Variants in TCF12 observed in about 807,000 individuals in gnomAD.
The protein encoded by TCF12 is DNA-binding protein HTF4.
TCF12 carries 45 observed loss-of-function variants against 86.0 expected under a neutral mutation model. The observed-to-expected ratio is 0.52, with a 90% CI of 0.41 to 0.67. The LOEUF is 0.67. TCF12 is among the 30% of genes least tolerant of loss of function. TCF12 has a pLI of 0.00. For synonymous variants in TCF12, 330 were observed against 299.6 expected, an observed-to-expected ratio of 1.10 and a Z score of -1.05; for missense variants, 881 against 859.9, an observed-to-expected ratio of 1.02 and a Z score of -0.31.
chr15:56,930,116 G>C (rs1252836467), intron 3 of TCF12, among the ~76,000 whole-genome samples: 1 of 152,222 alleles, frequency 6.6e-6, no homozygotes, highest in Non-Finnish European at 1.5e-5. Context: ...GGCTACTCCA[G>C]TCAGTGAGTG....
At chr15:57,250,643 C>T (rs199509112) in intron 13 of TCF12, among the ~76,000 whole-genome samples, 50 of 152,054 alleles carry the variant, frequency 3.3e-4, no homozygotes, top group African/African-American at 9.2e-4. Flanking sequence ...GCAGGAGAAT[C>T]GCTTGAACCT....
At position 56,999,735 on chromosome 15, in the gene TCF12, G is replaced by A. The variant is rs184722147; in HGVS notation, c.149-64015G>A. Among the ~76,000 whole-genome samples the A allele has an allele frequency of 6.4e-3, 970 of 152,080 alleles. 7 individuals are homozygous for A. The highest frequency in any genetic ancestry group is 0.011 in the Non-Finnish European group (756 of 67,966). On this transcript the variant is annotated intron_variant, in intron 3 of 20. Coordinates refer to ENST00000333725, the MANE Select transcript of TCF12 (RefSeq NM_207037.2). Reference sequence around the variant, plus strand: ...CTAAAAATACAAAAATTAGCTGGGCGTGGTGGTGCATGCCTGTAGTCCCAG... The same window carrying A: ...CTAAAAATACAAAAATTAGCTGGGCATGGTGGTGCATGCCTGTAGTCCCAG...
chr15:56,980,680 A>G (rs558736118), intron 3 of TCF12, among the ~76,000 whole-genome samples: 3 of 152,228 alleles, frequency 2.0e-5, no homozygotes, highest in South Asian at 4.2e-4. Context: ...TACTCCCACT[A>G]CTGTGACAGC....
intron 3 of TCF12, among the ~76,000 whole-genome samples, chr15:57,005,500 C>T (rs1163426013): frequency 6.6e-6 from 1 of 152,122 alleles, no homozygotes; most frequent in Non-Finnish European, 1.5e-5. Context: ...ACAGAATGAA[C>T]CTGTATCCTC....
intron 3 of TCF12, among the ~76,000 whole-genome samples, chr15:57,037,635 G>T (rs1321940358): frequency 6.6e-6 from 1 of 152,164 alleles, no homozygotes; most frequent in Admixed American, 6.5e-5. Flanking sequence ...TTTCTTATGA[G>T]CATATGTTCC....
intron 5 of TCF12, among the ~76,000 whole-genome samples, chr15:57,104,851 C>CT (rs1428592901): frequency 8.0e-6 from 1 of 124,468 alleles, no homozygotes; most frequent in Non-Finnish European, 1.7e-5. Context: ...TCTTGCTGGT[C>CT]TTTGGTGGTG....
rs1428292691 is a variant in TCF12 at position 57,075,807 on chromosome 15, TC to T, written c.222+11985del. Among the ~76,000 whole-genome samples the T allele has an allele frequency of 1.0e-3, 59 of 56,678 alleles. 2 individuals carry two copies. The highest frequency in any genetic ancestry group is 4.9e-3 in the African/African-American group (58 of 11,888). 37.2% of individuals were successfully genotyped at this position (56,678 alleles called of 152,430 possible). ...CTTTCTTTCTTTCTTTCTTTCTTTC[TC>T]TCTCTCTCTCTCTCTCTCTCTCTCT... is the stretch of plus-strand genomic sequence containing the variant. On this transcript the variant is annotated intron_variant, in intron 4 of 20. Coordinates refer to ENST00000333725, the MANE Select transcript of TCF12 (RefSeq NM_207037.2).
At chr15:57,185,628 T>C (rs979294997) in intron 6 of TCF12, among the ~76,000 whole-genome samples, 1 of 152,198 alleles carries the variant, frequency 6.6e-6, no homozygotes, top group African/African-American at 2.4e-5. Flanking sequence ...GACTCACACC[T>C]TAATTCCAGC....
intron 3 of TCF12, among the ~76,000 whole-genome samples, chr15:56,945,834 C>A (rs1473398478): frequency 1.3e-5 from 2 of 152,106 alleles, no homozygotes; most frequent in East Asian, 3.8e-4. Flanking sequence ...TGATTAAAGT[C>A]ATAATCTCAG....
At chr15:57,126,485 GGA>G (rs2051660229) in intron 5 of TCF12, among the ~76,000 whole-genome samples, 1 of 152,046 alleles carries the variant, frequency 6.6e-6, no homozygotes, top group African/African-American at 2.4e-5. Context: ...CAGTCCTATT[GGA>G]GAATCATTTC....
chr15:57,199,163 G>A (rs757751006), intron 8 of TCF12, among the ~76,000 whole-genome samples: 6 of 152,062 alleles, frequency 3.9e-5, no homozygotes, highest in African/African-American at 1.4e-4. Context: ...TAAACAAAAT[G>A]AACACAATGC....
chr15:57,062,324 C>G (rs1245903906), intron 3 of TCF12, among the ~76,000 whole-genome samples: 4 of 152,080 alleles, frequency 2.6e-5, no homozygotes, highest in African/African-American at 7.2e-5. Flanking sequence ...AACTTTAATA[C>G]TAGCTCCACA....
chr15:56,966,103 C>T (rs2061989344), intron 3 of TCF12, among the ~76,000 whole-genome samples: 1 of 152,088 alleles, frequency 6.6e-6, no homozygotes, highest in Non-Finnish European at 1.5e-5. Flanking sequence ...TGATTATATG[C>T]TAATCTTTTT....
intron 6 of TCF12, among the ~76,000 whole-genome samples, chr15:57,183,806 C>G (rs981719062): frequency 6.6e-6 from 1 of 152,076 alleles, no homozygotes; most frequent in Non-Finnish European, 1.5e-5. Flanking sequence ...GGGAAACAGA[C>G]TCATTAATGT....
rs976756432 is a variant in TCF12 at position 57,117,388 on chromosome 15, C to T, written c.325+25497C>T. ...GGTAGGAAAAAAAGGATCTTAACAT[C>T]TTCTTTACTAGTAAAAATTAGGTCT... On this transcript the variant is annotated intron_variant, in intron 5 of 20. Transcript: ENST00000333725. Among the ~76,000 whole-genome samples the T allele has an allele frequency of 4.6e-5, 7 of 152,264 alleles. 1 individual carries two copies. In the East Asian group the frequency reaches 1.2e-3, roughly 25 times the overall value.
intron 3 of TCF12, among the ~76,000 whole-genome samples, chr15:56,998,197 C>T (rs1431542675): frequency 2.0e-5 from 3 of 152,174 alleles, no homozygotes; most frequent in Non-Finnish European, 4.4e-5. Flanking sequence ...TAGCTCATGC[C>T]TGTAATCCCA....
chr15:57,225,059 A>T (rs578200387), intron 8 of TCF12, among the ~76,000 whole-genome samples: 12 of 152,124 alleles, frequency 7.9e-5, no homozygotes, highest in Admixed American at 7.2e-4. Flanking sequence ...GATATTAGGG[A>T]ATTATTGAAT....
chr15:57,268,064 A>G (rs2060952327), intron 18 of TCF12, among the ~76,000 whole-genome samples: 1 of 152,132 alleles, frequency 6.6e-6, no homozygotes, highest in African/African-American at 2.4e-5. Flanking sequence ...TGGAGCACTG[A>G]GCTGACATCT....
Position 56,972,233 on chromosome 15 carries a change from C to G in TCF12, c.148+51135C>G, listed in dbSNP as rs190373758. Among the ~76,000 whole-genome samples the G allele has an allele frequency of 6.6e-5, 10 of 152,296 alleles. No individual in the cohort carries two copies. In the East Asian group the frequency reaches 1.9e-3, roughly 29 times the overall value. On this transcript the variant is annotated intron_variant, in intron 3 of 20. Coordinates refer to ENST00000333725, the MANE Select transcript of TCF12 (RefSeq NM_207037.2). ...AGTACAGCCCTTTTGGAAGGAACTT[C>G]GGCAGCATCTAACAGAACTGCATAT...
Sources: gnomAD v4.1 joint callset for allele counts (sites outside exome capture counted in the v4.1 genomes callset) on GRCh38, gnomAD v4.1.1 for gene constraint, MANE v1.5 for transcripts, NCBI Gene and HGNC (gene_info 2026-07-23, HGNC 2026-07-21) for gene names.